Variants in RBFOX3 observed in about 807,000 individuals in gnomAD.
The protein encoded by RBFOX3 is RNA binding fox-1 homolog 3, also known as RNA binding protein fox-1 homolog 3.
A neutral mutation model predicts 48.7 loss-of-function variants in RBFOX3; 17 were observed. The observed-to-expected ratio is 0.35, with a 90% CI of 0.24 to 0.52. RBFOX3 has a LOEUF of 0.52. Among genes scored for constraint, RBFOX3 ranks in the 20% least tolerant of loss-of-function variants. The pLI is 0.94. For synonymous variants in RBFOX3, 212 were observed against 209.5 expected, an observed-to-expected ratio of 1.01 and a Z score of -0.10; for missense variants, 382 against 497.5, an observed-to-expected ratio of 0.77 and a Z score of 2.21.
intron 2 of RBFOX3, among the ~76,000 whole-genome samples, chr17:79,345,630 C>T (rs1383995975): frequency 1.3e-5 from 2 of 152,008 alleles, no homozygotes; most frequent in East Asian, 1.9e-4. Flanking sequence ...TATGAAATTC[C>T]TGCCTGTCCT....
rs2055376542 is a variant in RBFOX3 at position 79,195,376 on chromosome 17, T to C, written c.-34+40390A>G. On this transcript the variant is annotated intron_variant, in intron 4 of 14. Transcript: ENST00000693108. The surrounding 1 kb of genome is among the most constrained non-coding windows in gnomAD (Gnocchi z 5.3). Reference sequence around the variant, plus strand: ...GACATTGCACCACTGCACTCCAGCTTGGGTGACAGAGTGAGACTCCATCTT... The same window carrying C: ...GACATTGCACCACTGCACTCCAGCTCGGGTGACAGAGTGAGACTCCATCTT... Among the ~76,000 whole-genome samples the C allele has an allele frequency of 1.3e-5, 2 of 151,244 alleles. No homozygotes were observed. The highest frequency in any genetic ancestry group is 1.3e-4 in the Admixed American group (2 of 15,204).
intron 4 of RBFOX3, among the ~76,000 whole-genome samples, chr17:79,168,273 C>T (rs1370860198): frequency 6.6e-6 from 1 of 152,236 alleles, no homozygotes; most frequent in Non-Finnish European, 1.5e-5. Context: ...ACCAGTGCCT[C>T]CAAAGCATAC....
chr17:79,248,656 G>A (rs962358524), intron 3 of RBFOX3, among the ~76,000 whole-genome samples: 1 of 152,210 alleles, frequency 6.6e-6, no homozygotes, highest in African/African-American at 2.4e-5. Context: ...CCACAGTGAC[G>A]GCCGGAGTGC....
intron 2 of RBFOX3, among the ~76,000 whole-genome samples, chr17:79,397,596 AT>A (rs2062182316): frequency 6.6e-6 from 1 of 151,976 alleles, no homozygotes; most frequent in Non-Finnish European, 1.5e-5. Context: ...CCTAGGGCAG[AT>A]TTAAGCTTCG....
chr17:79,207,559 G>C (rs2057681547), intron 4 of RBFOX3, among the ~76,000 whole-genome samples: 1 of 152,238 alleles, frequency 6.6e-6, no homozygotes, highest in South Asian at 2.1e-4. Context: ...TGGGTCCCTG[G>C]GCCTATGGGC....
chr17:79,162,654 G>C (rs938541683), intron 4 of RBFOX3, among the ~76,000 whole-genome samples: 1 of 152,218 alleles, frequency 6.6e-6, no homozygotes, highest in Non-Finnish European at 1.5e-5. Context: ...GGAGAGGAAG[G>C]AGCTGTGGAA....
intron 4 of RBFOX3, chr17:79,234,141 C>A (rs1333595662): frequency 6.6e-6 from 1 of 152,308 alleles, no homozygotes; most frequent in Admixed American, 6.5e-5. Flanking sequence ...CCACTCGGTA[C>A]GGGGGACCCT....
intron 4 of RBFOX3, among the ~76,000 whole-genome samples, chr17:79,197,647 G>A (rs1159131807): frequency 1.3e-5 from 2 of 151,630 alleles, no homozygotes; most frequent in African/African-American, 4.9e-5. Context: ...CGCCCACCTC[G>A]GCCTCCCAAA....
At chr17:79,494,184 C>T (rs1351002503) in intron 1 of RBFOX3, among the ~76,000 whole-genome samples, 1 of 152,156 alleles carries the variant, frequency 6.6e-6, no homozygotes, top group East Asian at 1.9e-4. Flanking sequence ...TTCCTTCAAG[C>T]ATTCAACAAA....
In RBFOX3 at chr17:79,555,014, C is replaced by T. The variant is rs1011305925; in HGVS notation, c.-320+55812G>A. On this transcript the variant is annotated intron_variant, in intron 1 of 14. Transcript: ENST00000693108. ...CAGCCTGAGGGGAACAAAGAGGGTC[C>T]ACAGGGCAGGGCAGCCAGAACACAG... Among the ~76,000 whole-genome samples the T allele has an allele frequency of 2.2e-3, 341 of 152,306 alleles. 5 individuals carry two copies. The South Asian group carries it at 0.037, about 16-fold the overall frequency.
intron 1 of RBFOX3, among the ~76,000 whole-genome samples, chr17:79,582,573 C>A (rs1329358429): frequency 6.6e-6 from 1 of 152,060 alleles, no homozygotes; most frequent in Non-Finnish European, 1.5e-5. Context: ...GAGGCTGAGG[C>A]AACAGGATTG....
chr17:79,609,446 T>C (rs2093918844), intron 1 of RBFOX3, among the ~76,000 whole-genome samples: 1 of 152,170 alleles, frequency 6.6e-6, no homozygotes, highest in African/African-American at 2.4e-5. Flanking sequence ...ATGGATCCCT[T>C]GGGTCTCTGT....
chr17:79,352,516 C>T (rs541853022), intron 2 of RBFOX3, among the ~76,000 whole-genome samples: 1 of 152,278 alleles, frequency 6.6e-6, no homozygotes, highest in Admixed American at 6.5e-5. Context: ...AACAGAAGTG[C>T]CCTGAGGGAA....
At chr17:79,131,040 C>G (rs12951237) in intron 4 of RBFOX3, among the ~76,000 whole-genome samples, 37,960 of 151,486 alleles carry the variant, frequency 0.25, 6,122 homozygotes, top group Non-Finnish European at 0.37. Context: ...TGCTGTGCCC[C>G]CATGTACTTG....
chr17:79,621,909 A>G, the RBFOX3 span, among the ~76,000 whole-genome samples: 2 of 152,100 alleles, frequency 1.3e-5, no homozygotes, highest in Non-Finnish European at 2.9e-5. Context: ...ACACCGCTTA[A>G]GAGACACCCG....
rs115612732 is a variant in RBFOX3, at chr17:79,313,518, G to A, written c.-174-5694C>T. On this transcript the variant is annotated intron_variant, in intron 2 of 14. Transcript: ENST00000693108. ...CCAGGCCCAACCATCCAGGGCTCTG[G>A]TCAGTGTAGGGGAGCAGCCACAGAA... Among the ~76,000 whole-genome samples, 832 of 152,270 alleles carry A rather than the reference G, an allele frequency of 5.5e-3. 8 individuals are homozygous for A. The highest frequency in any genetic ancestry group is 0.019 in the African/African-American group (773 of 41,548).
intron 4 of RBFOX3, among the ~76,000 whole-genome samples, chr17:79,187,900 G>A (rs998358044): frequency 7.9e-5 from 12 of 151,930 alleles, no homozygotes; most frequent in African/African-American, 2.9e-4. Flanking sequence ...GACACCATGG[G>A]GCAAGGTCAG....
chr17:79,409,945 G>A (rs748415872), intron 2 of RBFOX3, among the ~76,000 whole-genome samples: 19 of 152,356 alleles, frequency 1.2e-4, no homozygotes, highest in South Asian at 2.1e-4. Flanking sequence ...TTGGAGGGAG[G>A]AATGGAAGTC....
At chr17:79,351,063 A>G (rs2083848514) in intron 2 of RBFOX3, among the ~76,000 whole-genome samples, 1 of 152,198 alleles carries the variant, frequency 6.6e-6, no homozygotes, top group Non-Finnish European at 1.5e-5. Flanking sequence ...AATGTTTTCA[A>G]GGTTCCTCTG....
Sources: gnomAD v4.1 joint callset for allele counts (sites outside exome capture counted in the v4.1 genomes callset) on GRCh38, gnomAD v4.1.1 for gene constraint, Gnocchi (gnomAD v3.1) non-coding constraint, MANE v1.5 for transcripts, NCBI Gene and HGNC (gene_info 2026-07-23, HGNC 2026-07-21) for gene names.